The following WDPCP variants were observed in gnomAD, a reference collection of about 807,000 sequenced individuals.
WDPCP encodes the protein WD repeat-containing and planar cell polarity effector protein fritz homolog.
Under a neutral mutation model 93.1 loss-of-function variants are expected in WDPCP, and 71 were observed. The observed-to-expected ratio is 0.76, with a 90% confidence interval of 0.63 to 0.93. The LOEUF (loss-of-function observed/expected upper bound fraction) is 0.93, where lower values mean the gene tolerates loss of function less well. WDPCP is among the 40% of genes least tolerant of loss of function. WDPCP has a pLI of 0.00. For missense variants in WDPCP, 844 were observed against 887.4 expected (o/e 0.95, Z 0.62); for synonymous variants, 315 against 315.0 (o/e 1.00, Z 0.00).
chr2:63,521,254 A>G (rs1435045149), intron 1 of WDPCP, among the ~76,000 whole-genome samples: 1 of 152,358 alleles, frequency 6.6e-6, no homozygotes, highest in East Asian at 1.9e-4. Flanking sequence ...ATTAAAAGGC[A>G]TAGAGTGGCA....
At chr2:63,575,721 T>C (rs1708067933) in intron 1 of WDPCP, among the ~76,000 whole-genome samples, 1 of 150,988 alleles carries the variant, frequency 6.6e-6, no homozygotes, top group African/African-American at 2.4e-5. Flanking sequence ...TACTATATGA[T>C]ATAGAGACAC....
intron 13 of WDPCP, among the ~76,000 whole-genome samples, chr2:63,268,080 A>G (rs1390683135): frequency 6.6e-6 from 1 of 152,218 alleles, no homozygotes; most frequent in Non-Finnish European, 1.5e-5. Context: ...GTGTCCATCA[A>G]TGGTTGAATG....
chr2:63,339,698 A>C lies in WDPCP; in HGVS notation c.1749-26387T>G, dbSNP rs564476246. Among the ~76,000 whole-genome samples, 5 of 152,098 alleles carry C rather than the reference A, an allele frequency of 3.3e-5. No homozygotes were observed. The South Asian group carries it at 1.0e-3, about 32-fold the overall frequency. On this transcript the variant is annotated intron_variant, in intron 12 of 17. Transcript: ENST00000272321. ...CCCTTTCTCTTCTTTTCTCTTGCCT[A>C]ATTGCTCTCACCAGGAGTTTCCATA...
At chr2:63,800,538 G>C (rs1670680670) in intron 2 of WDPCP, among the ~76,000 whole-genome samples, 1 of 152,200 alleles carries the variant, frequency 6.6e-6, no homozygotes, top group Non-Finnish European at 1.5e-5. Context: ...AAGTTCAGAA[G>C]TATGTTGGAA....
At chr2:63,322,620 G>T (rs1687205882) in intron 12 of WDPCP, among the ~76,000 whole-genome samples, 1 of 152,006 alleles carries the variant, frequency 6.6e-6, no homozygotes, top group Non-Finnish European at 1.5e-5. Context: ...CCCACCAGAA[G>T]AAGAAAGTCT....
chr2:63,809,104 G>C (rs1313402838), intron 2 of WDPCP, among the ~76,000 whole-genome samples: 1 of 148,562 alleles, frequency 6.7e-6, no homozygotes, highest in African/African-American at 2.5e-5. Flanking sequence ...CCCTCCGCCC[G>C]GCAGCCGCCC....
chr2:63,336,066 A>G (rs1688343349), intron 12 of WDPCP, among the ~76,000 whole-genome samples: 1 of 152,220 alleles, frequency 6.6e-6, no homozygotes, highest in African/African-American at 2.4e-5. Flanking sequence ...TCATCAAGAA[A>G]TAACCATAAA....
At chr2:63,316,269 T>C (rs934239196) in intron 12 of WDPCP, among the ~76,000 whole-genome samples, 61 of 151,914 alleles carry the variant, frequency 4.0e-4, no homozygotes, top group Admixed American at 6.6e-5. Flanking sequence ...ATAAATGATA[T>C]GAGACAATCA....
At chr2:63,772,783 G>A (rs1163779771) in intron 2 of WDPCP, among the ~76,000 whole-genome samples, 3 of 151,966 alleles carry the variant, frequency 2.0e-5, no homozygotes, top group Admixed American at 2.0e-4. Context: ...CATAACAAAT[G>A]AGGTATAAAA....
intron 6 of WDPCP, among the ~76,000 whole-genome samples, chr2:63,447,313 AC>A (rs1458098290): frequency 1.3e-5 from 2 of 152,130 alleles, no homozygotes; most frequent in African/African-American, 2.4e-5. Context: ...ACAAACTTCA[AC>A]TTCTTGCCTT....
At chr2:63,469,847 A>T (rs551258556) in intron 6 of WDPCP, among the ~76,000 whole-genome samples, 1 of 152,262 alleles carries the variant, frequency 6.6e-6, no homozygotes, top group African/African-American at 2.4e-5. Flanking sequence ...CTTGAACCTA[A>T]AATAAAAGTT....
intron 3 of WDPCP, among the ~76,000 whole-genome samples, chr2:63,607,456 G>T (rs949820267): frequency 2.6e-5 from 4 of 151,938 alleles, no homozygotes; most frequent in Non-Finnish European, 4.4e-5. Context: ...AGAATAGGTT[G>T]TCCCGGGGGG....
chr2:63,765,596 TG>T (rs1660171524), intron 2 of WDPCP, among the ~76,000 whole-genome samples: 1 of 152,212 alleles, frequency 6.6e-6, no homozygotes, highest in South Asian at 2.1e-4. Context: ...GCCTTTTGTG[TG>T]GCCAGGTCAC....
At chr2:63,346,113 G>T (rs549490866) in intron 12 of WDPCP, among the ~76,000 whole-genome samples, 14 of 152,142 alleles carry the variant, frequency 9.2e-5, no homozygotes, top group Non-Finnish European at 1.8e-4. Flanking sequence ...CAGGACACAG[G>T]ATTTAACACC....
At chr2:63,588,992 C>T, upstream of WDPCP, 1 of 1,614,136 alleles carries the variant, frequency 6.2e-7, no homozygotes, top group Non-Finnish European at 8.5e-7. Flanking sequence ...GGTGACCTGA[C>T]TCTCTGAGGC....
chr2:63,392,223 A>T (rs1009216875), intron 10 of WDPCP, among the ~76,000 whole-genome samples: 2 of 152,238 alleles, frequency 1.3e-5, no homozygotes, highest in Admixed American at 1.3e-4. Flanking sequence ...GGCCTTGGAA[A>T]TAACACCACA....
intron 14 of WDPCP, among the ~76,000 whole-genome samples, chr2:63,185,789 T>G (rs1674588114): frequency 6.6e-6 from 1 of 152,178 alleles, no homozygotes; most frequent in South Asian, 2.1e-4. Flanking sequence ...AACTCTCCAG[T>G]GTCCCAGGCA....
At chr2:63,684,328 G>T in intron 2 of WDPCP, 1 of 643,920 alleles carries the variant, frequency 1.6e-6, no homozygotes. Flanking sequence ...ATGAAACCTG[G>T]GAAGGTGTCG....
At chr2:63,603,479 C>G (rs946443698) in intron 3 of WDPCP, among the ~76,000 whole-genome samples, 2 of 152,062 alleles carry the variant, frequency 1.3e-5, no homozygotes, top group African/African-American at 4.8e-5. Flanking sequence ...ACAATGTCAC[C>G]AAAACAGATC....
Sources: allele counts gnomAD v4.1 joint callset (sites outside exome capture counted in the v4.1 genomes callset), GRCh38; gene constraint gnomAD v4.1.1; transcripts MANE v1.5; gene names NCBI Gene and HGNC (gene_info 2026-07-23, HGNC 2026-07-21).